EYS: variants seen among roughly 807,000 people sequenced by gnomAD.
EYS encodes protein eyes shut homolog.
A neutral mutation model predicts 282.1 loss-of-function variants in EYS; 250 were observed. The observed-to-expected ratio is 0.89, with a 90% CI of 0.80 to 0.98. The LOEUF (loss-of-function observed/expected upper bound fraction) is 0.98, where lower values mean the gene tolerates loss of function less well. EYS is among the 50% of genes least tolerant of loss of function. The pLI is 0.00. For synonymous variants in EYS, 1,355 were observed against 1,282.9 expected, an observed-to-expected ratio of 1.06 and a Z score of -1.20; for missense variants, 4,016 against 3,709.0, an observed-to-expected ratio of 1.08 and a Z score of -2.15.
intron 30 of EYS, among the ~76,000 whole-genome samples, chr6:64,303,798 G>A (rs996405726): frequency 4.3e-5 from 6 of 139,446 alleles, no homozygotes; most frequent in African/African-American, 1.1e-4. Context: ...TCGAGATCGC[G>A]CCACTGCACT....
chr6:65,679,793 T>C (rs1347203017), intron 1 of EYS, among the ~76,000 whole-genome samples: 2 of 151,888 alleles, frequency 1.3e-5, no homozygotes, highest in African/African-American at 4.8e-5. Flanking sequence ...TCCTGAAATA[T>C]TTATGAATTA....
intron 22 of EYS, among the ~76,000 whole-genome samples, chr6:64,758,123 A>G (rs1257008601): frequency 6.6e-6 from 1 of 151,982 alleles, no homozygotes; most frequent in Non-Finnish European, 1.5e-5. Context: ...CTCATCTAGT[A>G]CGCACGAGTT....
Position 64,312,622 on chromosome 6 carries a change from A to G in EYS, c.6079-5540T>C, listed in dbSNP as rs557128694. 2.6e-5 allele frequency among the ~76,000 whole-genome samples: 4 copies of G among 152,270 alleles called. No individual in the cohort carries two copies. In the South Asian group the frequency reaches 8.3e-4, roughly 32 times the overall value. ...CAGTAGGGGCTGACAGGCATCTCAT[A>G]TAGGCGAGCTCTGGCTGGCATCTGG... On this transcript the variant is annotated intron_variant, in intron 29 of 42. Coordinates refer to ENST00000503581, the MANE Select transcript of EYS (RefSeq NM_001142800.2).
intron 22 of EYS, among the ~76,000 whole-genome samples, chr6:64,798,253 A>T (rs1774420960): frequency 6.6e-6 from 1 of 151,830 alleles, no homozygotes; most frequent in Non-Finnish European, 1.5e-5. Context: ...CTCCCTCAAG[A>T]TTTTCAAGGT....
At chr6:64,674,486 G>A (rs1213772476) in intron 22 of EYS, among the ~76,000 whole-genome samples, 1 of 151,922 alleles carries the variant, frequency 6.6e-6, no homozygotes, top group Non-Finnish European at 1.5e-5. Context: ...TATTCAGCTG[G>A]CAACCCTAAG....
At chr6:63,951,593 A>T (rs971747213) in intron 35 of EYS, among the ~76,000 whole-genome samples, 3 of 152,040 alleles carry the variant, frequency 2.0e-5, no homozygotes, top group Non-Finnish European at 4.4e-5. Context: ...ACCAGGCTGA[A>T]TCAGGCTCCA....
chr6:64,233,850 A>G (rs145811965), intron 30 of EYS, among the ~76,000 whole-genome samples: 68 of 152,284 alleles, frequency 4.5e-4, no homozygotes, highest in African/African-American at 1.6e-3. Context: ...TGGAACAGGA[A>G]AGGAACACAC....
At chr6:64,949,235 G>A (rs1769397510) in intron 14 of EYS, among the ~76,000 whole-genome samples, 1 of 151,840 alleles carries the variant, frequency 6.6e-6, no homozygotes, top group Non-Finnish European at 1.5e-5. Context: ...CAGTGTACAA[G>A]AGTCAGTCAC....
chr6:65,153,451 A>T (rs12200475), intron 12 of EYS, among the ~76,000 whole-genome samples: 6,446 of 151,562 alleles, frequency 0.043, 198 homozygotes, highest in Middle Eastern at 0.065. Context: ...TTGTGCAGCA[A>T]TAGATAAATA....
intron 18 of EYS, among the ~76,000 whole-genome samples, chr6:64,888,257 A>G (rs1767163284): frequency 6.6e-6 from 1 of 152,036 alleles, no homozygotes; most frequent in African/African-American, 2.4e-5. Context: ...TGTATATTCA[A>G]AAGAGCTAGA....
intron 37 of EYS, among the ~76,000 whole-genome samples, chr6:63,796,980 C>G (rs763956850): frequency 6.6e-6 from 1 of 152,150 alleles, no homozygotes; most frequent in African/African-American, 2.4e-5. Context: ...TACAGAATGG[C>G]GCTTGATTAC....
intron 29 of EYS, among the ~76,000 whole-genome samples, chr6:64,364,182 A>C (rs1772116549): frequency 6.6e-6 from 1 of 151,888 alleles, no homozygotes; most frequent in African/African-American, 2.4e-5. Context: ...GTAATTCCAT[A>C]AAAAATTCTC....
chr6:64,420,876 T>C (rs1165523361), intron 28 of EYS, among the ~76,000 whole-genome samples: 1 of 152,146 alleles, frequency 6.6e-6, no homozygotes, highest in Non-Finnish European at 1.5e-5. Flanking sequence ...CATCAGCATT[T>C]TGGTCAAAGC....
intron 5 of EYS, among the ~76,000 whole-genome samples, chr6:65,416,425 CAT>C (rs990070086): frequency 6.6e-5 from 10 of 151,966 alleles, no homozygotes; most frequent in Non-Finnish European, 1.2e-4. Flanking sequence ...CATACACACA[CAT>C]GTACAAACAT....
intron 12 of EYS, among the ~76,000 whole-genome samples, chr6:65,153,581 A>G (rs1412582292): frequency 6.6e-6 from 1 of 151,794 alleles, no homozygotes; most frequent in Non-Finnish European, 1.5e-5. Context: ...AAATTTTCTT[A>G]TAAACGTTAT....
chr6:65,061,351 T>C (rs1773568680), intron 12 of EYS, among the ~76,000 whole-genome samples: 1 of 152,070 alleles, frequency 6.6e-6, no homozygotes, highest in Non-Finnish European at 1.5e-5. Context: ...AATTAAACAA[T>C]CAAGCATTCT....
intron 2 of EYS, among the ~76,000 whole-genome samples, chr6:65,636,721 T>C (rs917967261): frequency 2.0e-5 from 3 of 152,230 alleles, no homozygotes; most frequent in Non-Finnish European, 4.4e-5. Flanking sequence ...ATATAATTTA[T>C]GTACTATAAT....
chr6:65,048,838 C>T (rs565375886), intron 13 of EYS, among the ~76,000 whole-genome samples: 1 of 151,856 alleles, frequency 6.6e-6, no homozygotes, highest in African/African-American at 2.4e-5. Context: ...ACATTCTAAC[C>T]TATTTTGTCT....
At chr6:63,722,447 T>C (rs1485548646) in intron 42 of EYS, among the ~76,000 whole-genome samples, 2 of 152,132 alleles carry the variant, frequency 1.3e-5, no homozygotes, top group African/African-American at 2.4e-5. Flanking sequence ...TCCATTACAG[T>C]ATATCTCATT....
Sources: allele counts gnomAD v4.1 joint callset (sites outside exome capture counted in the v4.1 genomes callset), GRCh38; gene constraint gnomAD v4.1.1; transcripts MANE v1.5; gene names NCBI Gene and HGNC (gene_info 2026-07-23, HGNC 2026-07-21).